The following ZNF503 variants were observed in gnomAD, a reference collection of about 807,000 sequenced individuals.
The protein encoded by ZNF503 is zinc finger protein 503.
A neutral mutation model predicts 34.4 loss-of-function variants in ZNF503; 15 were observed. The ratio of observed to expected loss-of-function variants is 0.44; its 90% CI spans 0.29 to 0.67. ZNF503 has a LOEUF of 0.67. ZNF503 is among the 30% of genes least tolerant of loss of function. The pLI, the probability that ZNF503 is intolerant of heterozygous loss-of-function variation, is 0.13. For synonymous variants in ZNF503, 580 were observed against 456.8 expected, an observed-to-expected ratio of 1.27 and a Z score of -3.44; for missense variants, 1,007 against 926.8, an observed-to-expected ratio of 1.09 and a Z score of -1.12.
chr10:75,376,881 C>G, the ZNF503 span, among the ~76,000 whole-genome samples: 3 of 152,162 alleles, frequency 2.0e-5, no homozygotes, highest in Non-Finnish European at 4.4e-5. Flanking sequence ...ACGAGAACAG[C>G]ATGGGGGAAC....
At chr10:75,309,487 C>T in the ZNF503 span, among the ~76,000 whole-genome samples, 1 of 152,186 alleles carries the variant, frequency 6.6e-6, no homozygotes, top group Non-Finnish European at 1.5e-5. Flanking sequence ...CAGCCATCAA[C>T]ATTGAGGCAA....
the ZNF503 span, among the ~76,000 whole-genome samples, chr10:75,346,448 T>TTTTTC: frequency 6.6e-6 from 1 of 151,782 alleles, no homozygotes; most frequent in African/African-American, 2.4e-5. Context: ...TTTCTTTTTT[T>TTTTTC]TTTTCAGGGT....
At chr10:75,327,572 T>C in the ZNF503 span, among the ~76,000 whole-genome samples, 1 of 152,226 alleles carries the variant, frequency 6.6e-6, no homozygotes, top group Admixed American at 6.5e-5. Context: ...GGAGTGCAGA[T>C]AATCTCTTTG....
the ZNF503 span, among the ~76,000 whole-genome samples, chr10:75,362,425 C>G: frequency 1.3e-5 from 2 of 152,056 alleles, no homozygotes; most frequent in African/African-American, 4.8e-5. Flanking sequence ...TCTGGGAAGT[C>G]CCACCGTGAC....
chr10:75,333,502 T>G, the ZNF503 span, among the ~76,000 whole-genome samples: 2 of 26,934 alleles, frequency 7.4e-5, no homozygotes, highest in African/African-American at 1.7e-4. Flanking sequence ...CTGGCCGGGC[T>G]GAGGGGCTCC....
At chr10:75,392,638 G>C in the ZNF503 span, among the ~76,000 whole-genome samples, 3 of 152,262 alleles carry the variant, frequency 2.0e-5, no homozygotes, top group East Asian at 5.8e-4. Context: ...ACACGAGGTA[G>C]AGCAGGCAAA....
chr10:75,307,712 G>A, the ZNF503 span, among the ~76,000 whole-genome samples: 1 of 152,206 alleles, frequency 6.6e-6, no homozygotes. Flanking sequence ...CTCTCATTAG[G>A]GACTAATGCA....
At chr10:75,356,179 T>A in the ZNF503 span, among the ~76,000 whole-genome samples, 1 of 152,134 alleles carries the variant, frequency 6.6e-6, no homozygotes, top group East Asian at 1.9e-4. Flanking sequence ...GAAAAGGGGG[T>A]GGCACTGGAG....
At chr10:75,369,896 G>A in the ZNF503 span, among the ~76,000 whole-genome samples, 2 of 151,946 alleles carry the variant, frequency 1.3e-5, no homozygotes, top group African/African-American at 4.8e-5. Flanking sequence ...GCGAAACCTC[G>A]TCTCTACTAA....
the ZNF503 span, among the ~76,000 whole-genome samples, chr10:75,331,143 T>C: frequency 6.6e-6 from 1 of 152,392 alleles, no homozygotes; most frequent in South Asian, 2.1e-4. Context: ...TTTAGTTTTA[T>C]TTCATTGTGG....
At chr10:75,388,832 C>A in the ZNF503 span, among the ~76,000 whole-genome samples, 1 of 152,228 alleles carries the variant, frequency 6.6e-6, no homozygotes, top group Admixed American at 6.5e-5. Flanking sequence ...CCCCTCAGGG[C>A]ATGTCCAAAG....
the ZNF503 span, among the ~76,000 whole-genome samples, chr10:75,289,319 C>T: frequency 6.6e-6 from 1 of 152,122 alleles, no homozygotes; most frequent in Non-Finnish European, 1.5e-5. Context: ...TGCCGCCTGC[C>T]CACAGGCCTC....
At chr10:75,303,276 G>C in the ZNF503 span, among the ~76,000 whole-genome samples, 1 of 152,224 alleles carries the variant, frequency 6.6e-6, no homozygotes, top group Non-Finnish European at 1.5e-5. Context: ...AACTTCAGGT[G>C]AGAGAAACAA....
At chr10:75,377,375 A>C in the ZNF503 span, among the ~76,000 whole-genome samples, 1 of 152,178 alleles carries the variant, frequency 6.6e-6, no homozygotes, top group Non-Finnish European at 1.5e-5. Flanking sequence ...TAAACCCTGG[A>C]GTTAATTTAC....
At chr10:75,368,771 T>C in the ZNF503 span, among the ~76,000 whole-genome samples, 1 of 152,192 alleles carries the variant, frequency 6.6e-6, no homozygotes, top group Non-Finnish European at 1.5e-5. Context: ...ATCAGATAAG[T>C]GGTTTACTAA....
the ZNF503 span, among the ~76,000 whole-genome samples, chr10:75,360,121 T>C: frequency 0.32 from 44,225 of 137,070 alleles, 7,119 homozygotes; most frequent in Middle Eastern, 0.38. Context: ...TTTCTTTTTT[T>C]TTTTTTTTTT....
chr10:75,401,505 C>A lies in ZNF503; in HGVS notation c.-86G>T. The A allele has an allele frequency of 6.9e-7, 1 of 1,450,310 alleles. No individual in the cohort carries two copies. The highest frequency in any genetic ancestry group is 9.1e-7 in the Non-Finnish European group (1 of 1,098,220). The allele number at this position is 1,450,310 out of a possible 1,614,324, so 89.8% of individuals were successfully genotyped here. On this transcript the variant is annotated 5_prime_UTR_variant, in exon 1 of 2. Transcript: ENST00000372524. ...CGGGGCTGCGCGCTCGCCCCGGGAG[C>A]AGGAGCAGCGGGAGGAGGAGGAGCT...
chr10:75,396,233 G>A (rs1405893685), downstream of ZNF503, among the ~76,000 whole-genome samples: 2 of 152,210 alleles, frequency 1.3e-5, no homozygotes, highest in Non-Finnish European at 2.9e-5. The surrounding 1 kb of genome is among the most constrained non-coding windows in gnomAD (Gnocchi z 4.4). Context: ...AGCCTCTCTC[G>A]GCGGGACCAG....
At chr10:75,363,079 C>CAT in the ZNF503 span, among the ~76,000 whole-genome samples, 1 of 130,414 alleles carries the variant, frequency 7.7e-6, no homozygotes, top group African/African-American at 3.2e-5. Context: ...TGCATGCATG[C>CAT]ATACACACAC....
Sources: gnomAD v4.1 joint callset for allele counts (sites outside exome capture counted in the v4.1 genomes callset) on GRCh38, gnomAD v4.1.1 for gene constraint, Gnocchi (gnomAD v3.1) non-coding constraint, MANE v1.5 for transcripts, NCBI Gene and HGNC (gene_info 2026-07-23, HGNC 2026-07-21) for gene names.